The following LPIN2 variants were observed in gnomAD, a reference collection of about 807,000 sequenced individuals.
The protein encoded by LPIN2 is lipin 2.
In LPIN2, 55 loss-of-function variants were observed where a neutral mutation model predicts 111.4. That is an observed-to-expected ratio of 0.49 (90% CI 0.40 to 0.62). LPIN2 has a LOEUF of 0.62. LPIN2 is among the 20% of genes least tolerant of loss of function. The pLI is 0.00. For synonymous variants in LPIN2, 425 were observed against 414.0 expected, an observed-to-expected ratio of 1.03 and a Z score of -0.32; for missense variants, 992 against 1,112.1, an observed-to-expected ratio of 0.89 and a Z score of 1.54.
intron 1 of LPIN2, among the ~76,000 whole-genome samples, chr18:3,006,075 G>T (rs996531656): frequency 6.6e-6 from 1 of 152,134 alleles, no homozygotes; most frequent in Non-Finnish European, 1.5e-5. Flanking sequence ...CTAGAAAACA[G>T]CATTATTATC....
At chr18:2,961,318 A>G (rs1180008645) in intron 1 of LPIN2, among the ~76,000 whole-genome samples, 1 of 152,182 alleles carries the variant, frequency 6.6e-6, no homozygotes, top group Non-Finnish European at 1.5e-5. Flanking sequence ...CAATGTAATA[A>G]ATTAGTGAGA....
At chr18:2,994,456 G>A (rs928971666) in intron 1 of LPIN2, among the ~76,000 whole-genome samples, 1 of 152,202 alleles carries the variant, frequency 6.6e-6, no homozygotes, top group Non-Finnish European at 1.5e-5. Context: ...GGGCCATGGG[G>A]GTGGTGACTG....
At chr18:2,981,874 A>C (rs1361114587) in intron 1 of LPIN2, among the ~76,000 whole-genome samples, 2 of 152,154 alleles carry the variant, frequency 1.3e-5, no homozygotes, top group Admixed American at 1.3e-4. Context: ...TTAGAAACTA[A>C]TTTTTGTCTC....
intron 1 of LPIN2, among the ~76,000 whole-genome samples, chr18:2,979,770 C>T (rs1226430016): frequency 6.6e-6 from 1 of 152,148 alleles, no homozygotes; most frequent in African/African-American, 2.4e-5. Context: ...TCATCTGTGG[C>T]GAGCATGCTT....
rs755282603 is a variant in LPIN2, at chr18:2,954,613, A to G, written c.193-14T>C. The G allele has an allele frequency of 1.3e-6, 2 of 1,543,820 alleles. No homozygotes were observed. The highest frequency in any genetic ancestry group is 9.0e-7 in the Non-Finnish European group (1 of 1,115,846). On this transcript the variant is annotated splice_polypyrimidine_tract_variant and intron_variant, in intron 2 of 19. Coordinates refer to ENST00000677752, the MANE Select transcript of LPIN2 (RefSeq NM_001375808.2). ...TTCTATATCAATCTATGGGAGAAACAAAGTATGACTTAATGTTCAAGGAGT... is the reference window on the plus strand; with the variant it reads ...TTCTATATCAATCTATGGGAGAAACGAAGTATGACTTAATGTTCAAGGAGT...
rs1338285194 is a variant in LPIN2 at position 2,925,771 on chromosome 18, C to T, written c.1794-403G>A. 3.9e-5 allele frequency among the ~76,000 whole-genome samples: 6 copies of T among 152,146 alleles called. No homozygotes were observed. The highest frequency in any genetic ancestry group is 1.4e-4 in the African/African-American group (6 of 41,436). The stretch of plus-strand genomic sequence containing the variant: ...CTGTAATCCCAACACTTTGGGAGGC[C>T]GAGTTAGGAGGACACCTTGAGCCCA... On this transcript the variant is annotated intron_variant, in intron 13 of 19. Transcript: ENST00000677752. The surrounding 1 kb of genome is among the most constrained non-coding windows in gnomAD (Gnocchi z 4.1).
At chr18:2,926,519 G>A (rs1050726407) in intron 13 of LPIN2, among the ~76,000 whole-genome samples, 1 of 151,454 alleles carries the variant, frequency 6.6e-6, no homozygotes, top group African/African-American at 2.4e-5. Context: ...GCTCCACAAG[G>A]AGGCAGGGTA....
chr18:2,997,043 G>A (rs3016596), intron 1 of LPIN2, among the ~76,000 whole-genome samples: 143,180 of 151,826 alleles, frequency 0.94, 67,809 homozygotes, highest in East Asian at 1. Context: ...GTGCGGTGGC[G>A]TGATCTCGGC....
intron 2 of LPIN2, among the ~76,000 whole-genome samples, chr18:2,956,282 C>T (rs144569456): frequency 1.5e-5 from 2 of 133,022 alleles, no homozygotes; most frequent in Admixed American, 7.4e-5. Flanking sequence ...AACCCGTGTG[C>T]CCTCATGATT....
chr18:2,973,557 GTATCAAATGTTTATCCAT>G (rs1361638821), intron 1 of LPIN2, among the ~76,000 whole-genome samples: 1 of 152,240 alleles, frequency 6.6e-6, no homozygotes, highest in Non-Finnish European at 1.5e-5. Flanking sequence ...CTGCATGGAT[GTATCAAATGTTTATCCAT>G]TCACTAGCTA....
chr18:2,930,449 T>C (rs1207933017), intron 9 of LPIN2, among the ~76,000 whole-genome samples: 2 of 152,154 alleles, frequency 1.3e-5, no homozygotes, highest in East Asian at 1.9e-4. Flanking sequence ...CCTGTGACCC[T>C]GGAAAGGAAA....
At chr18:2,939,702 C>T (rs979035924) in intron 5 of LPIN2, 99 bp from the exon 6 acceptor site, 18 of 1,318,242 alleles carry the variant, frequency 1.4e-5, no homozygotes, top group African/African-American at 1.0e-4. Flanking sequence ...AATATCTTGA[C>T]TTTATCCTGC....
intron 1 of LPIN2, among the ~76,000 whole-genome samples, chr18:2,989,402 T>C (rs1454775100): frequency 1.3e-5 from 2 of 151,930 alleles, no homozygotes; most frequent in Admixed American, 6.6e-5. Context: ...AAATTAAAGA[T>C]AACCTCAGTA....
At chr18:2,960,510 A>G (rs1304809167) in intron 2 of LPIN2, 139 bp downstream of exon 2, 1 of 789,828 alleles carries the variant, frequency 1.3e-6, no homozygotes, top group Non-Finnish European at 2.1e-6. Flanking sequence ...AACATCATTC[A>G]GGTTAAAAAA....
rs912241807 is a variant in LPIN2, at chr18:2,931,404, G to A, written c.1308C>T (p.Asp436=). Residue 436 remains aspartate (D), a synonymous_variant, in exon 9 of 20, where the codon GAC becomes GAT. Transcript: ENST00000677752. ...EPGSRQWPES[D]TLSGSQSPQS... The stretch of plus-strand genomic sequence containing the variant: ...GTGGGGACTGGGAGCCAGAGAGTGT[G>A]TCAGACTCGGGCCACTGCCTGGAAC... The A allele has an allele frequency of 1.2e-6, 2 of 1,606,280 alleles. No homozygotes were observed. The highest frequency in any genetic ancestry group is 2.2e-5 in the East Asian group (1 of 44,688).
chr18:2,974,380 T>C (rs891977874), intron 1 of LPIN2, among the ~76,000 whole-genome samples: 1 of 152,192 alleles, frequency 6.6e-6, no homozygotes, highest in Non-Finnish European at 1.5e-5. Context: ...CGCCTGGGCT[T>C]CTACTGGTAT....
At chr18:2,947,456 C>G (rs1368482402) in intron 4 of LPIN2, among the ~76,000 whole-genome samples, 20 of 152,276 alleles carry the variant, frequency 1.3e-4, no homozygotes, top group Non-Finnish European at 2.9e-5. Context: ...GGGAGACTTA[C>G]TAGGTACAGT....
At chr18:2,966,609 T>C (rs1022723271) in intron 1 of LPIN2, among the ~76,000 whole-genome samples, 53 of 152,234 alleles carry the variant, frequency 3.5e-4, no homozygotes, top group African/African-American at 1.3e-3. Flanking sequence ...AAAGCCTTCA[T>C]GAAGCCTCCA....
chr18:3,002,236 C>CAAAAAAAAAA (rs765641037), intron 1 of LPIN2, among the ~76,000 whole-genome samples: 42 of 82,800 alleles, frequency 5.1e-4, no homozygotes, highest in Non-Finnish European at 8.1e-4. Context: ...TTCAAAAGAC[C>CAAAAAAAAAA]AAAAAAAAAA....
Sources: gnomAD v4.1 joint callset for allele counts (sites outside exome capture counted in the v4.1 genomes callset) on GRCh38, gnomAD v4.1.1 for gene constraint, Gnocchi (gnomAD v3.1) non-coding constraint, MANE v1.5 for transcripts, NCBI Gene and HGNC (gene_info 2026-07-23, HGNC 2026-07-21) for gene names.